Variants in ADAM32 observed in about 807,000 individuals in gnomAD.
ADAM32 encodes disintegrin and metalloproteinase domain-containing protein 32.
Under a neutral mutation model 114.9 loss-of-function variants are expected in ADAM32, and 89 were observed. The ratio of observed to expected loss-of-function variants is 0.77; its 90% CI spans 0.65 to 0.92. The LOEUF (loss-of-function observed/expected upper bound fraction) is 0.92, where lower values mean the gene tolerates loss of function less well. ADAM32 is among the 40% of genes least tolerant of loss of function. The pLI, the probability that ADAM32 is intolerant of heterozygous loss-of-function variation, is 0.00. For synonymous variants in ADAM32, 285 were observed against 307.5 expected, an observed-to-expected ratio of 0.93 and a Z score of 0.77; for missense variants, 870 against 932.8, an observed-to-expected ratio of 0.93 and a Z score of 0.88.
intron 11 of ADAM32, among the ~76,000 whole-genome samples, chr8:39,200,593 A>G (rs1807333073): frequency 6.6e-6 from 1 of 152,112 alleles, no homozygotes; most frequent in Admixed American, 6.5e-5. Flanking sequence ...CTCTGATGGT[A>G]GTTTCTTTTG....
chr8:39,157,417 T>G (rs2129445817), intron 6 of ADAM32: 1 of 233,800 alleles, frequency 4.3e-6, no homozygotes, highest in African/African-American at 2.3e-5. Flanking sequence ...CTCTTCTTAT[T>G]TATGAGCTTG....
At chr8:39,234,130 T>C (rs1809942446) in intron 16 of ADAM32, 48 bp downstream of exon 16, 9 of 1,193,152 alleles carry the variant, frequency 7.5e-6, no homozygotes, top group Non-Finnish European at 9.7e-6. Context: ...ATTTATTGTT[T>C]TCATCTTTTT....
At chr8:39,132,707 A>T (rs182148084) in intron 2 of ADAM32, among the ~76,000 whole-genome samples, 1 of 152,072 alleles carries the variant, frequency 6.6e-6, no homozygotes, top group Non-Finnish European at 1.5e-5. Context: ...TTATTTCACC[A>T]TTTTAAAAGC....
At position 39,160,924 on chromosome 8, in the gene ADAM32, C is replaced by A; in HGVS notation, c.553C>A (p.Pro185Thr). The A allele has an allele frequency of 6.3e-7, 1 of 1,599,174 alleles. No individual in the cohort carries two copies. Among genetic ancestry groups the A allele is most frequent in the Non-Finnish European group, 8.5e-7 (1 of 1,173,302 alleles). Residue 185 changes from proline (P) to threonine (T), a missense_variant, in exon 7 of 25, where the codon CCT becomes ACT. Pro to Thr is a conservative substitution (Grantham distance 38). Transcript: ENST00000379907. ...KSEPAVPDLF[P>T]LYLEMHIVVD... ...AGAACCAGCTGTTCCAGATTTATTT[C>A]CTCTTTATCTAGAAATGCATATTGT...
chr8:39,149,825 A>G lies in ADAM32; in HGVS notation c.311A>G (p.Tyr104Cys), dbSNP rs1803713487. ...TACTATCAAGGAAATATTGAAGGAT[A>G]TCCAGATTCCATGGTCACACTCAGC... The part of the protein sequence containing the change: ...QCYYQGNIEG[Y>C]PDSMVTLSTC... Residue 104 changes from tyrosine to cysteine, a missense_variant, in exon 5 of 25, where the codon TAT becomes TGT. Coordinates refer to ENST00000379907, the MANE Select transcript of ADAM32 (RefSeq NM_145004.7). The G allele has an allele frequency of 6.2e-7, 1 of 1,612,276 alleles. No individual in the cohort carries two copies. The highest frequency in any genetic ancestry group is 8.5e-7 in the Non-Finnish European group (1 of 1,178,842).
At chr8:39,249,112 G>A (rs1458368675) in intron 17 of ADAM32, among the ~76,000 whole-genome samples, 1 of 151,952 alleles carries the variant, frequency 6.6e-6, no homozygotes, top group Non-Finnish European at 1.5e-5. Flanking sequence ...CATCGTGTTA[G>A]CCAGGATGGT....
Position 39,107,826 on chromosome 8 carries a change from A to G in ADAM32, c.51A>G (p.Ser17=). 6.5e-7 allele frequency: 1 copy of G among 1,546,302 alleles called. No individual in the cohort carries two copies. The highest frequency in any genetic ancestry group is 8.7e-7 in the Non-Finnish European group (1 of 1,144,856). The change falls in exon 1 of 25, where the codon TCA becomes TCG. Residue 17 remains serine (S), a synonymous_variant. Transcript: ENST00000379907. Reference sequence around the variant, plus strand: ...CCGGGCTCTGCGGCCTCCTGGCGTCAAGACCCGGTGAGCCAGCCCAGACCC... The same window carrying G: ...CCGGGCTCTGCGGCCTCCTGGCGTCGAGACCCGGTGAGCCAGCCCAGACCC... The part of the protein sequence containing the change: ...LLAGLCGLLA[S]RPGFQNSLLQ...
intron 10 of ADAM32, among the ~76,000 whole-genome samples, chr8:39,180,146 G>A (rs957129183): frequency 6.6e-5 from 10 of 152,202 alleles, no homozygotes; most frequent in Non-Finnish European, 1.5e-4. Flanking sequence ...GGGGCTGCGC[G>A]CAGCGCTTGC....
rs1371160237 is a variant in ADAM32, at chr8:39,169,737, C to A, written c.834-179C>A. On this transcript the variant is annotated intron_variant, in intron 9 of 24. Coordinates refer to ENST00000379907, the MANE Select transcript of ADAM32 (RefSeq NM_145004.7). ...TCAAGAGTGTTTAATCTAATTAATACTAATATGTCATATTAAATAATATTC... is the reference window on the plus strand; with the variant it reads ...TCAAGAGTGTTTAATCTAATTAATAATAATATGTCATATTAAATAATATTC... The A allele has an allele frequency of 1.4e-5, 7 of 483,224 alleles. No individual in the cohort carries two copies. In the Admixed American group the frequency reaches 2.1e-4, roughly 15 times the overall value. The allele number at this position is 483,224 out of a possible 1,614,324, so 29.9% of individuals were successfully genotyped here.
chr8:39,279,556 G>C (rs973681836), intron 22 of ADAM32, among the ~76,000 whole-genome samples: 2 of 152,118 alleles, frequency 1.3e-5, no homozygotes, highest in Admixed American at 1.3e-4. Flanking sequence ...TACTGTGATT[G>C]CAGGCGTGAG....
chr8:39,254,287 G>A (rs1338180116), intron 17 of ADAM32, 127 bp from the exon 18 acceptor site: 1 of 476,796 alleles, frequency 2.1e-6, no homozygotes, highest in African/African-American at 2.6e-5. Flanking sequence ...CCAAACATTT[G>A]ATATGTGAGA....
intron 1 of ADAM32, among the ~76,000 whole-genome samples, chr8:39,109,141 C>G (rs996091061): frequency 6.6e-6 from 1 of 152,144 alleles, no homozygotes; most frequent in Non-Finnish European, 1.5e-5. Flanking sequence ...TATACATGAA[C>G]AATTTTTGAG....
chr8:39,143,996 GA>G (rs1803341666), intron 3 of ADAM32, among the ~76,000 whole-genome samples: 1 of 152,222 alleles, frequency 6.6e-6, no homozygotes, highest in South Asian at 2.1e-4. Flanking sequence ...CTAGCAGTGA[GA>G]AAGGCTCCAT....
chr8:39,205,045 G>T (rs760520627), intron 11 of ADAM32, among the ~76,000 whole-genome samples: 11 of 152,222 alleles, frequency 7.2e-5, no homozygotes, highest in Non-Finnish European at 1.3e-4. Flanking sequence ...CTACTCAGGG[G>T]TGCCTCCCAG....
chr8:39,216,502 CCTTT>C (rs1405280391), intron 12 of ADAM32, among the ~76,000 whole-genome samples: 1 of 151,584 alleles, frequency 6.6e-6, no homozygotes, highest in African/African-American at 2.4e-5. Context: ...CCTTCCCTTC[CCTTT>C]CTGTTTCCTT....
At chr8:39,213,746 T>C (rs944882686) in intron 12 of ADAM32, among the ~76,000 whole-genome samples, 5 of 152,174 alleles carry the variant, frequency 3.3e-5, no homozygotes, top group African/African-American at 1.2e-4. Flanking sequence ...CACTTTGTTG[T>C]GCTATGAAAT....
At chr8:39,125,230 G>A (rs1163868346) in intron 2 of ADAM32, among the ~76,000 whole-genome samples, 2 of 151,910 alleles carry the variant, frequency 1.3e-5, no homozygotes, top group African/African-American at 4.8e-5. Flanking sequence ...TACGTTCCTT[G>A]TAAACTCTGG....
chr8:39,266,539 A>G (rs1222777031), intron 19 of ADAM32, among the ~76,000 whole-genome samples: 2 of 152,246 alleles, frequency 1.3e-5, no homozygotes, highest in East Asian at 3.9e-4. Context: ...TAAAATGGCT[A>G]TGCCATCTTT....
chr8:39,118,634 T>C (rs900505851), intron 2 of ADAM32, among the ~76,000 whole-genome samples: 1 of 152,190 alleles, frequency 6.6e-6, no homozygotes, highest in Non-Finnish European at 1.5e-5. Context: ...TTCTCTAGAC[T>C]TGCCATGTGC....
Sources: allele counts gnomAD v4.1 joint callset (sites outside exome capture counted in the v4.1 genomes callset), GRCh38; gene constraint gnomAD v4.1.1; transcripts MANE v1.5; gene names NCBI Gene and HGNC (gene_info 2026-07-23, HGNC 2026-07-21).